The following ARHGEF10 variants were observed in gnomAD, a reference collection of about 807,000 sequenced individuals.
The protein encoded by ARHGEF10 is Rho guanine nucleotide exchange factor (GEF) 10.
ARHGEF10 carries 140 observed loss-of-function variants against 147.4 expected under a neutral mutation model. That is an observed-to-expected ratio of 0.95 (90% confidence interval 0.83 to 1.09). ARHGEF10 has a LOEUF of 1.09. ARHGEF10 is among the 50% of genes least tolerant of loss of function. The pLI, the probability that ARHGEF10 is intolerant of heterozygous loss-of-function variation, is 0.00. For synonymous variants in ARHGEF10, 902 were observed against 695.8 expected, an observed-to-expected ratio of 1.30 and a Z score of -4.67; for missense variants, 2,222 against 1,752.7, an observed-to-expected ratio of 1.27 and a Z score of -4.78.
intron 1 of ARHGEF10, among the ~76,000 whole-genome samples, chr8:1,840,687 T>C (rs1366515735): frequency 7.8e-6 from 1 of 128,620 alleles, no homozygotes; most frequent in African/African-American, 2.8e-5. Flanking sequence ...TTGCTGCACT[T>C]GTCTTTGAGG....
intron 1 of ARHGEF10, among the ~76,000 whole-genome samples, chr8:1,828,432 A>T (rs2129031268): frequency 6.6e-6 from 1 of 151,630 alleles, no homozygotes; most frequent in East Asian, 1.9e-4. Context: ...CATTTTGATA[A>T]ACCGTGGCAT....
At chr8:1,845,773 C>A (rs1804512067) in intron 2 of ARHGEF10, among the ~76,000 whole-genome samples, 1 of 152,200 alleles carries the variant, frequency 6.6e-6, no homozygotes, top group African/African-American at 2.4e-5. Context: ...TCTCCACGAC[C>A]AGAACTGGCT....
At chr8:1,875,356 G>C (rs1423828360) in intron 7 of ARHGEF10, among the ~76,000 whole-genome samples, 4 of 152,094 alleles carry the variant, frequency 2.6e-5, no homozygotes, top group Non-Finnish European at 5.9e-5. Context: ...CATGGTAGAG[G>C]CTGTAGACCC....
chr8:1,926,710 G>C (rs2129220485), intron 23 of ARHGEF10: 1 of 564,950 alleles, frequency 1.8e-6, no homozygotes, highest in Non-Finnish European at 3.2e-6. Flanking sequence ...AGATAAAGTT[G>C]AGTCCAGAGA....
chr8:1,945,338 T>C, intron 26 of ARHGEF10, 143 bp from the exon 27 acceptor site: 5 of 1,015,738 alleles, frequency 4.9e-6, no homozygotes, highest in Non-Finnish European at 7.4e-6. Flanking sequence ...GTTTGGTTGC[T>C]GGAGACGCCT....
At chr8:1,846,250 T>G (rs1585246824) in intron 2 of ARHGEF10, among the ~76,000 whole-genome samples, 1 of 152,388 alleles carries the variant, frequency 6.6e-6, no homozygotes, top group South Asian at 2.1e-4. Context: ...TGGTCTTTGA[T>G]ACAGAAAGCC....
intron 5 of ARHGEF10, among the ~76,000 whole-genome samples, chr8:1,865,050 G>A (rs1341901257): frequency 1.3e-5 from 2 of 152,224 alleles, no homozygotes; most frequent in Admixed American, 1.3e-4. Flanking sequence ...TCTTCAAAAG[G>A]ATGAAATTTT....
chr8:1,857,381 G>T (rs1049624158), intron 2 of ARHGEF10, among the ~76,000 whole-genome samples: 10 of 151,668 alleles, frequency 6.6e-5, no homozygotes, highest in African/African-American at 2.4e-4. Flanking sequence ...TTTAAAATGT[G>T]AAAAGCTCTT....
intron 18 of ARHGEF10, among the ~76,000 whole-genome samples, chr8:1,920,785 T>C (rs2129207386): frequency 1.3e-5 from 2 of 151,818 alleles, no homozygotes; most frequent in Middle Eastern, 6.9e-3. Context: ...TCTTTCGTTT[T>C]TTTTTGTTTG....
chr8:1,862,152 G>T (rs913672957), intron 4 of ARHGEF10, among the ~76,000 whole-genome samples: 1 of 152,220 alleles, frequency 6.6e-6, no homozygotes, highest in Admixed American at 6.5e-5. Context: ...TGTTAGGCCC[G>T]GTCCCCAGCC....
intron 9 of ARHGEF10, among the ~76,000 whole-genome samples, chr8:1,881,060 G>A (rs1209945546): frequency 6.6e-6 from 1 of 152,196 alleles, no homozygotes; most frequent in Admixed American, 6.5e-5. Context: ...AGAACCATGG[G>A]AGGGGTGTGT....
intron 25 of ARHGEF10, among the ~76,000 whole-genome samples, chr8:1,931,400 C>A (rs1361214229): frequency 6.6e-6 from 1 of 152,236 alleles, no homozygotes; most frequent in African/African-American, 2.4e-5. Flanking sequence ...ATCTCTCCAG[C>A]CTCTTACTTG....
intron 18 of ARHGEF10, among the ~76,000 whole-genome samples, chr8:1,915,826 C>T (rs1290745183): frequency 2.0e-5 from 3 of 152,230 alleles, no homozygotes; most frequent in South Asian, 4.1e-4. Flanking sequence ...CACTAGTCCA[C>T]GTGATCTGCT....
Position 1,923,607 on chromosome 8 carries a change from C to G in ARHGEF10, c.2387+12C>G, listed in dbSNP as rs1408537195. On this transcript the variant is annotated intron_variant, in intron 20 of 28. Coordinates refer to ENST00000349830, the MANE Select transcript of ARHGEF10 (RefSeq NM_014629.4). ...GGGAAGCAGGACAAGTTAGTAGTAG[C>G]TTTAAAACGAAACCTTCTTGGCCAA... 1 of 1,614,116 alleles carries G rather than the reference C, an allele frequency of 6.2e-7. No individual in the cohort carries two copies. Among genetic ancestry groups the G allele is most frequent in the Non-Finnish European group, 8.5e-7 (1 of 1,180,030 alleles).
intron 8 of ARHGEF10, 109 bp from the exon 9 acceptor site, chr8:1,879,939 A>G (rs888009872): frequency 7.3e-6 from 6 of 817,528 alleles, no homozygotes; most frequent in African/African-American, 5.0e-5. Context: ...CAGCCAGGAC[A>G]GGCCTGATGT....
At chr8:1,855,458 T>C (rs1805477143) in intron 2 of ARHGEF10, among the ~76,000 whole-genome samples, 1 of 152,092 alleles carries the variant, frequency 6.6e-6, no homozygotes, top group African/African-American at 2.4e-5. Context: ...CTCAGCTCAC[T>C]GCAACTTCCG....
chr8:1,893,742 G>A, intron 12 of ARHGEF10, 96 bp downstream of exon 12: 4 of 1,037,818 alleles, frequency 3.9e-6, no homozygotes, highest in South Asian at 1.4e-5. Flanking sequence ...ATATGTTTAT[G>A]AAACATAACA....
intron 15 of ARHGEF10, among the ~76,000 whole-genome samples, chr8:1,902,763 A>G (rs756699909): frequency 1.2e-4 from 18 of 152,138 alleles, no homozygotes; most frequent in Non-Finnish European, 2.5e-4. Context: ...CCACCACGAT[A>G]GTGTCATGCA....
In ARHGEF10 at chr8:1,925,378, A is replaced by G; in HGVS notation, c.2584A>G (p.Met862Val). The G allele has an allele frequency of 1.2e-6, 2 of 1,614,152 alleles. No homozygotes were observed. Among genetic ancestry groups the G allele is most frequent in the South Asian group, 2.2e-5 (2 of 91,076 alleles). The change falls in exon 22 of 29, where the codon ATG becomes GTG. Residue 862 changes from methionine (M) to valine (V), a missense_variant. Coordinates refer to ENST00000349830, the MANE Select transcript of ARHGEF10 (RefSeq NM_014629.4). ...TCTCCTCGTCGGACACATGCCCGTG[A>G]TGGTGGCCAAGCAGCAGGAGTTCAA... is the stretch of plus-strand genomic sequence containing the variant. ...HPLLVGHMPVMVAKQQEFKIE... is the reference protein window; with the variant it reads ...HPLLVGHMPVVVAKQQEFKIE...
Sources: gnomAD v4.1 joint callset for allele counts (sites outside exome capture counted in the v4.1 genomes callset) on GRCh38, gnomAD v4.1.1 for gene constraint, MANE v1.5 for transcripts, NCBI Gene and HGNC (gene_info 2026-07-23, HGNC 2026-07-21) for gene names.